Variants in GALNT15 observed in about 807,000 individuals in gnomAD.
GALNT15 encodes the protein polypeptide N-acetylgalactosaminyltransferase 15.
Under a neutral mutation model 66.8 loss-of-function variants are expected in GALNT15, and 67 were observed. That is an observed-to-expected ratio of 1.00 (90% CI 0.82 to 1.23). The LOEUF is 1.23. Ranked by LOEUF, GALNT15 falls within the 50% of genes most tolerant of loss-of-function variation. The pLI is 0.00. For synonymous variants in GALNT15, 313 were observed against 311.5 expected (o/e 1.00, Z -0.05); for missense variants, 827 against 804.3 (o/e 1.03, Z -0.34).
rs989661560 is a variant in GALNT15 at position 16,224,856 on chromosome 3, C to T, written c.1773+2098C>T. Reference sequence around the variant, plus strand: ...TCCTCCATGTTGGCCAGGCTGGTCTCGAACTCCTGACATCAGGTAATCTGC... The same window carrying T: ...TCCTCCATGTTGGCCAGGCTGGTCTTGAACTCCTGACATCAGGTAATCTGC... On this transcript the variant is annotated intron_variant, in intron 9 of 9. Coordinates refer to ENST00000339732, the MANE Select transcript of GALNT15 (RefSeq NM_054110.5). The surrounding 1 kb of genome is among the most constrained non-coding windows in gnomAD (Gnocchi z 5.2). Among the ~76,000 whole-genome samples the T allele has an allele frequency of 1.3e-5, 2 of 151,988 alleles. No homozygotes were observed. The highest frequency in any genetic ancestry group is 2.1e-4 in the South Asian group (1 of 4,816).
rs2063742104 is a variant in GALNT15, at chr3:16,204,962, T to TGTGTGTGC, written c.912-3540_912-3539insTGTGTGCG. ...GCGAGCATGTGCGTGCGTGTGTGTG[T>TGTGTGTGC]GCGCGCGCATGTGCGCGTCAAGGAG... On this transcript the variant is annotated intron_variant, in intron 3 of 9. Coordinates refer to ENST00000339732, the MANE Select transcript of GALNT15 (RefSeq NM_054110.5). This position sits in a 1 kb window ranked among gnomAD's most constrained non-coding sequence, Gnocchi z 4.5. Among the ~76,000 whole-genome samples the TGTGTGTGC allele has an allele frequency of 1.3e-5, 2 of 152,032 alleles. No homozygotes were observed. Among genetic ancestry groups the TGTGTGTGC allele is most frequent in the South Asian group, 4.1e-4 (2 of 4,822 alleles).
In GALNT15 at chr3:16,228,366, C is replaced by T. The variant is rs956488059; in HGVS notation, c.*866C>T. 35 of 984,340 alleles carry T rather than the reference C, an allele frequency of 3.6e-5. No individual in the cohort carries two copies. In the African/African-American group the frequency reaches 4.0e-4, roughly 11 times the overall value. 61.0% of individuals were successfully genotyped at this position (984,340 alleles called of 1,614,324 possible). A position where few individuals can be genotyped will look rare whatever the true frequency, so the allele number is the denominator to read the frequency against. On this transcript the variant is annotated 3_prime_UTR_variant, in exon 10 of 10. Coordinates refer to ENST00000339732, the MANE Select transcript of GALNT15 (RefSeq NM_054110.5). Reference sequence around the variant, plus strand: ...ACAGTTGAGAAACTCTCCTGCCGGGCGCGGTGGCTCATGCCTGTAATTCCA... The same window carrying T: ...ACAGTTGAGAAACTCTCCTGCCGGGTGCGGTGGCTCATGCCTGTAATTCCA...
Position 16,180,779 on chromosome 3 carries a change from C to T in GALNT15, c.539+5089C>T, listed in dbSNP as rs548598834. ...TCCCTAAACATAAATGTCAACTCAG[C>T]GGTAGCTGGCTGTGTGCTACCTGCT... On this transcript the variant is annotated intron_variant, in intron 1 of 9. Transcript: ENST00000339732. The surrounding 1 kb of genome is among the most constrained non-coding windows in gnomAD (Gnocchi z 5.0). Among the ~76,000 whole-genome samples the T allele has an allele frequency of 9.8e-5, 15 of 152,322 alleles. No homozygotes were observed. Among genetic ancestry groups the T allele is most frequent in the African/African-American group, 3.4e-4 (14 of 41,568 alleles).
chr3:16,242,908 T>C, the GALNT15 span, among the ~76,000 whole-genome samples: 1 of 152,164 alleles, frequency 6.6e-6, no homozygotes, highest in Non-Finnish European at 1.5e-5. The surrounding 1 kb of genome is among the most constrained non-coding windows in gnomAD (Gnocchi z 5.6). Flanking sequence ...GGTGATTTAT[T>C]TGGGAGGTGA....
At chr3:16,207,967 G>A (rs998944261) in intron 3 of GALNT15, among the ~76,000 whole-genome samples, 2 of 152,094 alleles carry the variant, frequency 1.3e-5, no homozygotes, top group African/African-American at 4.8e-5. Flanking sequence ...AGGTATAACA[G>A]GTATCTCAAG....
the GALNT15 span, among the ~76,000 whole-genome samples, chr3:16,240,267 A>T: frequency 3.1e-5 from 2 of 64,382 alleles, no homozygotes; most frequent in African/African-American, 5.4e-5. Flanking sequence ...ATTACTTTGC[A>T]GATTTAAAAA....
chr3:16,223,988 T>G (rs1347649725), intron 9 of GALNT15, among the ~76,000 whole-genome samples: 1 of 152,214 alleles, frequency 6.6e-6, no homozygotes, highest in Non-Finnish European at 1.5e-5. Context: ...CCACCATGTC[T>G]GGCCTCAAAG....
Position 16,181,943 on chromosome 3 carries a change from C to A in GALNT15, c.539+6253C>A, listed in dbSNP as rs79200815. 2.5e-3 allele frequency among the ~76,000 whole-genome samples: 384 copies of A among 152,298 alleles called. 3 individuals carry two copies. The highest frequency in any genetic ancestry group is 8.7e-3 in the African/African-American group (361 of 41,552). On this transcript the variant is annotated intron_variant, in intron 1 of 9. Transcript: ENST00000339732. The surrounding 1 kb of genome is among the most constrained non-coding windows in gnomAD (Gnocchi z 5.9). ...GACCTCCACTCTGGATCCATCACCC[C>A]GCAGTGGGGTTGCAGCGTAGACAGA... is the stretch of plus-strand genomic sequence containing the variant.
intron 9 of GALNT15, among the ~76,000 whole-genome samples, chr3:16,223,093 C>T (rs765023123): frequency 6.6e-6 from 1 of 152,120 alleles, no homozygotes; most frequent in Non-Finnish European, 1.5e-5. Flanking sequence ...GTTCAGCCAC[C>T]TTGGTGGTGT....
In GALNT15 at chr3:16,209,064, C is replaced by T. The variant is rs758907684; in HGVS notation, c.1079+394C>T. Among the ~76,000 whole-genome samples the T allele has an allele frequency of 3.9e-5, 6 of 152,168 alleles. No homozygotes were observed. The highest frequency in any genetic ancestry group is 7.3e-5 in the Non-Finnish European group (5 of 68,028). ...CAGGTACAGTGTGAATTCCTCAGGT[C>T]TCGTCTTAGCAAATAGGAAGAATTC... On this transcript the variant is annotated intron_variant, in intron 4 of 9. Transcript: ENST00000339732. This position sits in a 1 kb window ranked among gnomAD's most constrained non-coding sequence, Gnocchi z 4.1.
Position 16,175,081 on chromosome 3 carries a change from G to T in GALNT15, c.-71G>T. On this transcript the variant is annotated 5_prime_UTR_variant, in exon 1 of 10. Coordinates refer to ENST00000339732, the MANE Select transcript of GALNT15 (RefSeq NM_054110.5). The surrounding 1 kb of genome is among the most constrained non-coding windows in gnomAD (Gnocchi z 5.6). ...ACAAGCAACCCAGGTTCTGCTGCAA[G>T]CTTGAAGGAGCCTGGAGCGGGAGAA... 1 of 1,474,940 alleles carries T rather than the reference G, an allele frequency of 6.8e-7. No homozygotes were observed. Among genetic ancestry groups the T allele is most frequent in the Non-Finnish European group, 9.3e-7 (1 of 1,081,058 alleles). 91.4% of individuals were successfully genotyped at this position (1,474,940 alleles called of 1,614,324 possible).
At position 16,195,684 on chromosome 3, in the gene GALNT15, GGAA is replaced by G. The variant is rs2063624694; in HGVS notation, c.540-74_540-72del. On this transcript the variant is annotated intron_variant, in intron 1 of 9. Transcript: ENST00000339732. The surrounding 1 kb of genome is among the most constrained non-coding windows in gnomAD (Gnocchi z 4.6). ...TGGGGGCAGCTCCAGCCAGAGCAAA[GGAA>G]GCGAGTTAGAGGGTGTGGAGTGTTT... 6 of 1,363,858 alleles carry G rather than the reference GGAA, an allele frequency of 4.4e-6. No homozygotes were observed. Among genetic ancestry groups the G allele is most frequent in the Non-Finnish European group, 6.1e-6 (6 of 987,398 alleles). 84.5% of individuals were successfully genotyped at this position (1,363,858 alleles called of 1,614,324 possible).
At chr3:16,233,508 GGGAA>G (rs1339401867), downstream of GALNT15, among the ~76,000 whole-genome samples, 12 of 152,068 alleles carry the variant, frequency 7.9e-5, no homozygotes, top group Non-Finnish European at 1.8e-4. Flanking sequence ...TTTTTGACCA[GGGAA>G]GTTTTTTAAC....
chr3:16,247,088 A>G, the GALNT15 span, among the ~76,000 whole-genome samples: 2 of 146,434 alleles, frequency 1.4e-5, no homozygotes, highest in Non-Finnish European at 3.0e-5. Context: ...ATATTCCAGC[A>G]AAGACTGTAG....
chr3:16,212,794 TC>T, intron 6 of GALNT15, 31 bp downstream of exon 6: 2 of 1,591,334 alleles, frequency 1.3e-6, no homozygotes, highest in African/African-American at 2.7e-5. Flanking sequence ...GGCTTCTGTG[TC>T]CAGCACAGGG....
chr3:16,219,974 C>G lies in GALNT15; in HGVS notation c.1589C>G (p.Pro530Arg), dbSNP rs747856153. Reference protein sequence around the residue: ...CQAEGDILGCPMVLAPCSDSR... With the variant: ...CQAEGDILGCRMVLAPCSDSR... The stretch of plus-strand genomic sequence containing the variant: ...GCAGAAGGGGACATCCTGGGCTGTC[C>G]CATGGTGTTGGCTCCTTGCAGTGAC... The change falls in exon 8 of 10, where the codon CCC becomes CGC. Residue 530 changes from proline (P) to arginine (R), a missense_variant. Transcript: ENST00000339732. This position sits in a 1 kb window ranked among gnomAD's most constrained non-coding sequence, Gnocchi z 4.3. The G allele has an allele frequency of 6.2e-7, 1 of 1,614,162 alleles. No homozygotes were observed. Among genetic ancestry groups the G allele is most frequent in the Non-Finnish European group, 8.5e-7 (1 of 1,180,008 alleles).
At chr3:16,242,339 G>A in the GALNT15 span, among the ~76,000 whole-genome samples, 1 of 152,200 alleles carries the variant, frequency 6.6e-6, no homozygotes, top group South Asian at 2.1e-4. This position sits in a 1 kb window ranked among gnomAD's most constrained non-coding sequence, Gnocchi z 5.6. Context: ...AAGCTCTACT[G>A]TTTACTCTGA....
In GALNT15 at chr3:16,211,638, A is replaced by C. The variant is rs1057105610; in HGVS notation, c.1197+397A>C. ...AGTAGTTTGGTCCAAACAATGTAAT[A>C]CTTGTCATAAAAACTTAGCACCTGT... is the stretch of plus-strand genomic sequence containing the variant. On this transcript the variant is annotated intron_variant, in intron 5 of 9. Transcript: ENST00000339732. The surrounding 1 kb of genome is among the most constrained non-coding windows in gnomAD (Gnocchi z 4.3). Among the ~76,000 whole-genome samples the C allele has an allele frequency of 2.0e-5, 3 of 152,234 alleles. No individual in the cohort carries two copies. The highest frequency in any genetic ancestry group is 7.2e-5 in the African/African-American group (3 of 41,452).
In GALNT15 at chr3:16,195,813, G is replaced by A; in HGVS notation, c.593G>A (p.Cys198Tyr). Residue 198 changes from cysteine to tyrosine, a missense_variant, in exon 2 of 10, where the codon TGT becomes TAT. Physicochemically the swap from Cys to Tyr is radical, Grantham distance 194. Coordinates refer to ENST00000339732, the MANE Select transcript of GALNT15 (RefSeq NM_054110.5). This position sits in a 1 kb window ranked among gnomAD's most constrained non-coding sequence, Gnocchi z 4.6. ...CTGCCCACAGCCAGCGTCATCCTCT[G>A]TTTCCATGATGAGGCCTGGTCCACT... ...DSLPTASVIL[C>Y]FHDEAWSTLL... 6.2e-7 allele frequency: 1 copy of A among 1,614,026 alleles called. No homozygotes were observed. The highest frequency in any genetic ancestry group is 8.5e-7 in the Non-Finnish European group (1 of 1,179,922).
Sources: allele counts gnomAD v4.1 joint callset (sites outside exome capture counted in the v4.1 genomes callset), GRCh38; gene constraint gnomAD v4.1.1; non-coding constraint Gnocchi (gnomAD v3.1); transcripts MANE v1.5; gene names NCBI Gene and HGNC (gene_info 2026-07-23, HGNC 2026-07-21).